Variants in BMPER observed in about 807,000 individuals in gnomAD.
BMPER encodes BMP binding endothelial regulator.
A neutral mutation model predicts 87.3 loss-of-function variants in BMPER; 45 were observed. The observed-to-expected ratio is 0.52, with a 90% CI of 0.41 to 0.66. BMPER has a LOEUF of 0.66. Ranked by LOEUF, BMPER falls within the 30% of genes least tolerant of loss-of-function variation. The pLI, the probability that BMPER is intolerant of heterozygous loss-of-function variation, is 0.00. For synonymous variants in BMPER, 326 were observed against 316.2 expected, an observed-to-expected ratio of 1.03 and a Z score of -0.33; for missense variants, 784 against 867.5, an observed-to-expected ratio of 0.90 and a Z score of 1.21.
chr7:34,101,725 C>T (rs969363), intron 13 of BMPER, among the ~76,000 whole-genome samples: 92,749 of 151,976 alleles, frequency 0.61, 29,268 homozygotes, highest in Admixed American at 0.75. Flanking sequence ...TGACCGACTT[C>T]CTGTCATGCT....
chr7:34,075,388 A>G (rs1585804681), intron 11 of BMPER, among the ~76,000 whole-genome samples: 1 of 152,240 alleles, frequency 6.6e-6, no homozygotes, highest in Non-Finnish European at 1.5e-5. Flanking sequence ...AATGTAACAC[A>G]TAATTCTATT....
rs778159471 is a variant in BMPER at position 34,076,685 on chromosome 7, G to A, written c.1079-2172G>A. Among the ~76,000 whole-genome samples the A allele has an allele frequency of 8.5e-5, 13 of 152,110 alleles. No homozygotes were observed. The South Asian group carries it at 1.2e-3, about 15-fold the overall frequency. On this transcript the variant is annotated intron_variant, in intron 11 of 14. Transcript: ENST00000649409. Reference sequence around the variant, plus strand: ...CAGCAGGCATGTAGAAGAGCGTTAGGGTATGTGATGAGTTTTCTGCAACTG... The same window carrying A: ...CAGCAGGCATGTAGAAGAGCGTTAGAGTATGTGATGAGTTTTCTGCAACTG...
At chr7:34,104,424 G>A (rs1000062675) in intron 13 of BMPER, among the ~76,000 whole-genome samples, 3 of 152,170 alleles carry the variant, frequency 2.0e-5, no homozygotes, top group African/African-American at 4.8e-5. Context: ...AAGACACAGC[G>A]AGTTGTGTTG....
chr7:34,053,840 AGTGGAC>A (rs1332062124), intron 8 of BMPER, among the ~76,000 whole-genome samples: 1 of 152,170 alleles, frequency 6.6e-6, no homozygotes, highest in African/African-American at 2.4e-5. Context: ...TCTGAGTGTA[AGTGGAC>A]CCATGCAGTT....
intron 2 of BMPER, among the ~76,000 whole-genome samples, chr7:33,933,196 G>GC (rs2128607934): frequency 1.3e-5 from 2 of 152,192 alleles, no homozygotes; most frequent in South Asian, 4.1e-4. Flanking sequence ...TACTCCCTAT[G>GC]CCCCCCTTTT....
intron 6 of BMPER, among the ~76,000 whole-genome samples, chr7:34,021,614 TAGG>T (rs1787190465): frequency 6.6e-6 from 1 of 152,016 alleles, no homozygotes; most frequent in African/African-American, 2.4e-5. Flanking sequence ...AAAGAATTTG[TAGG>T]AGAATTGTGA....
At chr7:33,949,235 G>C (rs1784962164) in intron 3 of BMPER, among the ~76,000 whole-genome samples, 1 of 152,104 alleles carries the variant, frequency 6.6e-6, no homozygotes, top group Admixed American at 6.6e-5. Flanking sequence ...GTTCTTATGT[G>C]TGTATGTGTG....
chr7:34,124,571 G>C (rs1285237353), intron 13 of BMPER, among the ~76,000 whole-genome samples: 1 of 151,186 alleles, frequency 6.6e-6, no homozygotes, highest in African/African-American at 2.4e-5. Context: ...TGATTTTTTT[G>C]AAGTTTCTCA....
At chr7:34,052,200 A>C (rs1165880416) in intron 8 of BMPER, among the ~76,000 whole-genome samples, 2 of 152,224 alleles carry the variant, frequency 1.3e-5, no homozygotes, top group African/African-American at 4.8e-5. Context: ...TGTAGTGAGA[A>C]TCAGGCTCCA....
intron 13 of BMPER, among the ~76,000 whole-genome samples, chr7:34,092,049 C>T (rs1035587215): frequency 6.6e-6 from 1 of 152,164 alleles, no homozygotes; most frequent in Non-Finnish European, 1.5e-5. Flanking sequence ...CTGGCATCCT[C>T]TCTGATCTCC....
rs1002469638 is a variant in BMPER, at chr7:34,155,315, G to C, written c.*2042G>C. The C allele has an allele frequency of 2.0e-5, 3 of 152,198 alleles. No individual in the cohort carries two copies. The highest frequency in any genetic ancestry group is 4.4e-5 in the Non-Finnish European group (3 of 68,040). The allele number at this position is 152,198 out of a possible 1,614,324, so 9.4% of individuals were successfully genotyped here. On this transcript the variant is annotated 3_prime_UTR_variant, in exon 15 of 15. Coordinates refer to ENST00000649409, the MANE Select transcript of BMPER (RefSeq NM_001365308.1). ...TGGTTCTCATCTTTGAAAGAGGGCAGCATAAGGGAAATGATGGAGAAGGGA... is the reference window on the plus strand; with the variant it reads ...TGGTTCTCATCTTTGAAAGAGGGCACCATAAGGGAAATGATGGAGAAGGGA...
Position 34,146,021 on chromosome 7 carries a change from A to T in BMPER, c.1876+2661A>T, listed in dbSNP as rs531000386. ...GGAGGGGAATGTTTTAGACACACAC[A>T]TTCTCTCTCTCTCACATATACACAC... On this transcript the variant is annotated intron_variant, in intron 14 of 14. Transcript: ENST00000649409. 4.6e-5 allele frequency among the ~76,000 whole-genome samples: 7 copies of T among 152,082 alleles called. 2 individuals are homozygous for T. In the South Asian group the frequency reaches 1.5e-3, roughly 32 times the overall value.
intron 14 of BMPER, among the ~76,000 whole-genome samples, chr7:34,150,423 G>A (rs1323923443): frequency 6.6e-6 from 1 of 152,120 alleles, no homozygotes; most frequent in Non-Finnish European, 1.5e-5. Flanking sequence ...TAATGTAATT[G>A]ATCTGGGATG....
At chr7:34,013,344 C>A in intron 6 of BMPER, among the ~76,000 whole-genome samples, 1 of 151,730 alleles carries the variant, frequency 6.6e-6, no homozygotes, top group East Asian at 2.0e-4. Flanking sequence ...TTTCTTGAAT[C>A]TATGGCTCCT....
Position 34,086,041 on chromosome 7 carries a change from C to A in BMPER, c.1694C>A (p.Ser565Tyr). 6.2e-7 allele frequency: 1 copy of A among 1,614,056 alleles called. No individual in the cohort carries two copies. The highest frequency in any genetic ancestry group is 8.5e-7 in the Non-Finnish European group (1 of 1,180,036). ...CATCGAGAATGCCAAAAGCTCAAAT[C>A]CTGGGAGTTTCAGACCTGCCACTCG... ...RAHRECQKLK[S>Y]WEFQTCHSTV... Residue 565 changes from serine (S) to tyrosine (Y), a missense_variant, in exon 13 of 15, where the codon TCC becomes TAC. Physicochemically the swap from Ser to Tyr is moderately radical, Grantham distance 144. Coordinates refer to ENST00000649409, the MANE Select transcript of BMPER (RefSeq NM_001365308.1).
intron 6 of BMPER, among the ~76,000 whole-genome samples, chr7:33,985,376 AT>A (rs1785977170): frequency 6.6e-6 from 1 of 152,190 alleles, no homozygotes. Context: ...GCTACATAAT[AT>A]TTCCATAAAA....
intron 7 of BMPER, among the ~76,000 whole-genome samples, chr7:34,047,283 A>AT (rs1175271348): frequency 6.6e-6 from 1 of 150,636 alleles, no homozygotes; most frequent in Non-Finnish European, 1.5e-5. Flanking sequence ...TTGTTTTTTT[A>AT]TTTTTTTATT....
intron 13 of BMPER, among the ~76,000 whole-genome samples, chr7:34,104,463 A>G (rs1789767117): frequency 6.6e-6 from 1 of 152,220 alleles, no homozygotes; most frequent in African/African-American, 2.4e-5. Context: ...GCTGCATAAC[A>G]ATGATTGCAG....
chr7:34,006,903 AAGG>A (rs1242353123), intron 6 of BMPER, among the ~76,000 whole-genome samples: 1 of 152,088 alleles, frequency 6.6e-6, no homozygotes, highest in African/African-American at 2.4e-5. Context: ...GGACAGAATG[AAGG>A]AGATTTGAGG....
Sources: gnomAD v4.1 joint callset for allele counts (sites outside exome capture counted in the v4.1 genomes callset) on GRCh38, gnomAD v4.1.1 for gene constraint, MANE v1.5 for transcripts, NCBI Gene and HGNC (gene_info 2026-07-23, HGNC 2026-07-21) for gene names.